ACAD9: variants seen among roughly 807,000 people sequenced by gnomAD.
The protein encoded by ACAD9 is acyl-CoA dehydrogenase family member 9.
In ACAD9, 53 loss-of-function variants were observed where a neutral mutation model predicts 70.2. That is an observed-to-expected ratio of 0.75 (90% CI 0.61 to 0.95). ACAD9 has a LOEUF of 0.95. ACAD9 is among the 40% of genes least tolerant of loss of function. The probability of loss-of-function intolerance (pLI) is 0.00; values close to 1 mark genes in which losing one functional copy is unlikely to be tolerated. For missense variants in ACAD9, 777 were observed against 802.8 expected (o/e 0.97, Z 0.39); for synonymous variants, 313 against 312.1 (o/e 1.00, Z -0.03).
chr3:128,880,143 G>C (rs1049082937), intron 1 of ACAD9: 5 of 835,284 alleles, frequency 6.0e-6, no homozygotes, highest in Middle Eastern at 8.5e-4. Flanking sequence ...ATCTCAGCTG[G>C]TCTGGTCTGG....
Position 128,909,372 on chromosome 3 carries a change from CCTACTGCTTCGGCCGGACCGTGGAGACA to C in ACAD9, c.1517_1544del (p.Tyr506CysfsTer16). On this transcript the variant is annotated frameshift_variant, in exon 15 of 18. Transcript: ENST00000308982. LOFTEE classifies it high-confidence loss of function. The stretch of plus-strand genomic sequence containing the variant: ...AGTGCCAACAAGTTTGAGGAGAACA[CCTACTGCTTCGGCCGGACCGTGGAGACA>C]CTGCTGCTCCGCTTTGGCAAGGTAA... The C allele has an allele frequency of 6.2e-7, 1 of 1,614,196 alleles. No homozygotes were observed. Among genetic ancestry groups the C allele is most frequent in the South Asian group, 1.1e-5 (1 of 91,084 alleles).
At chr3:128,909,786 A>G in intron 15 of ACAD9, 4 of 636,122 alleles carry the variant, frequency 6.3e-6, no homozygotes, top group Non-Finnish European at 8.2e-6. Context: ...GTCTCAGCCA[A>G]GCTTCTGGGA....
intron 6 of ACAD9, chr3:128,898,458 T>C (rs577004821): frequency 2.8e-5 from 12 of 425,758 alleles, no homozygotes; most frequent in South Asian, 2.1e-4. Flanking sequence ...CAGGCTGGAG[T>C]GCAGTGGCAC....
intron 5 of ACAD9, 142 bp from the exon 6 acceptor site, chr3:128,897,490 A>G (rs1935600311): frequency 2.7e-6 from 2 of 743,348 alleles, no homozygotes; most frequent in Non-Finnish European, 4.7e-6. Context: ...TGCAGCTTGG[A>G]AAGCTGAATA....
At chr3:128,880,683 G>A (rs1559816415) in intron 1 of ACAD9, among the ~76,000 whole-genome samples, 1 of 152,026 alleles carries the variant, frequency 6.6e-6, no homozygotes, top group African/African-American at 2.4e-5. Flanking sequence ...CACCGCGCCC[G>A]GCCAAGACTC....
intron 2 of ACAD9, among the ~76,000 whole-genome samples, chr3:128,891,117 G>A (rs1935408914): frequency 1.3e-5 from 2 of 152,074 alleles, no homozygotes; most frequent in Admixed American, 1.3e-4. Flanking sequence ...GGGATTATAG[G>A]CTTGAGCCAC....
Position 128,904,434 on chromosome 3 carries a change from A to G in ACAD9, c.1078A>G (p.Thr360Ala). The G allele has an allele frequency of 6.2e-7, 1 of 1,614,196 alleles. No homozygotes were observed. Among genetic ancestry groups the G allele is most frequent in the African/African-American group, 1.3e-5 (1 of 75,048 alleles). The change falls in exon 11 of 18, where the codon ACC becomes GCC. Residue 360 changes from threonine to alanine, a missense_variant. Physicochemically the swap from Thr to Ala is moderately conservative, Grantham distance 58. Coordinates refer to ENST00000308982, the MANE Select transcript of ACAD9 (RefSeq NM_014049.5). ...AQKAYVMESM[T>A]YLTAGMLDQP... The stretch of plus-strand genomic sequence containing the variant: ...GAAGGCTTACGTCATGGAGAGTATG[A>G]CCTACCTCACAGCAGGGATGCTGGA...
rs755595742 is a variant in ACAD9, at chr3:128,912,796, C to T, written c.*189C>T. On this transcript the variant is annotated 3_prime_UTR_variant, in exon 18 of 18. Transcript: ENST00000308982. Reference sequence around the variant, plus strand: ...GGTTTTGACCTGCAGGCAGTGCTCTCTAACAGGACCATCACAGCTTCTGAA... The same window carrying T: ...GGTTTTGACCTGCAGGCAGTGCTCTTTAACAGGACCATCACAGCTTCTGAA... 48 of 733,458 alleles carry T rather than the reference C, an allele frequency of 6.5e-5. 2 individuals are homozygous for T. The highest frequency in any genetic ancestry group is 5.2e-4 in the South Asian group (38 of 73,500). 45.4% of individuals were successfully genotyped at this position (733,458 alleles called of 1,614,324 possible). A position where few individuals can be genotyped will look rare whatever the true frequency, so the allele number is the denominator to read the frequency against.
rs1935662396 is a variant in ACAD9 at position 128,899,325 on chromosome 3, T to C, written c.672T>C (p.Thr224=). The C allele has an allele frequency of 6.2e-7, 1 of 1,614,248 alleles. No homozygotes were observed. Among genetic ancestry groups the C allele is most frequent in the Non-Finnish European group, 8.5e-7 (1 of 1,180,042 alleles). ...ITNGGLANIF[T]VFAKTEVVDS... ...ATGGAGGACTGGCCAATATTTTTAC[T>C]GTGTTTGCAAAGACTGAGGTCGTTG... The change falls in exon 7 of 18, where the codon ACT becomes ACC. Residue 224 remains threonine (T), a synonymous_variant. Transcript: ENST00000308982.
At chr3:128,880,836 T>TTA (rs1306586132) in intron 1 of ACAD9, among the ~76,000 whole-genome samples, 1 of 152,228 alleles carries the variant, frequency 6.6e-6, no homozygotes, top group African/African-American at 2.4e-5. Flanking sequence ...GCTTCAACAC[T>TTA]TAGTCTTGTG....
intron 2 of ACAD9, among the ~76,000 whole-genome samples, chr3:128,885,754 C>T (rs576876688): frequency 1.3e-5 from 2 of 152,098 alleles, no homozygotes; most frequent in South Asian, 2.1e-4. Flanking sequence ...CAGTGGCTCA[C>T]GCCTGTAATC....
chr3:128,909,933 AAGAC>A, intron 15 of ACAD9, 84 bp from the exon 16 acceptor site: 22 of 1,568,290 alleles, frequency 1.4e-5, no homozygotes, highest in Admixed American at 1.9e-5. Flanking sequence ...ACAGGAGACT[AAGAC>A]AGGCAAAGAT....
intron 2 of ACAD9, among the ~76,000 whole-genome samples, chr3:128,892,544 T>C (rs1212335321): frequency 6.6e-6 from 1 of 152,232 alleles, no homozygotes; most frequent in Non-Finnish European, 1.5e-5. Flanking sequence ...TGAATTTTTA[T>C]TTTAGAGATG....
At chr3:128,907,037 C>T (rs1439124880) in intron 12 of ACAD9, among the ~76,000 whole-genome samples, 1 of 152,110 alleles carries the variant, frequency 6.6e-6, no homozygotes, top group East Asian at 1.9e-4. Flanking sequence ...AGGGGCTCTC[C>T]TGCTGGGAGG....
At chr3:128,883,368 C>A (rs1559817537) in intron 1 of ACAD9, among the ~76,000 whole-genome samples, 3 of 147,108 alleles carry the variant, frequency 2.0e-5, no homozygotes, top group Admixed American at 6.8e-5. Flanking sequence ...TTTTTCTTTT[C>A]TTTTTTTTTT....
intron 1 of ACAD9, among the ~76,000 whole-genome samples, chr3:128,883,887 A>G (rs1935167943): frequency 6.6e-6 from 1 of 152,206 alleles, no homozygotes; most frequent in African/African-American, 2.4e-5. Context: ...AGACTTCTCT[A>G]GAACACTTGG....
rs540771243 is a variant in ACAD9, at chr3:128,893,671, C to G, written c.346+15C>G. 2.5e-6 allele frequency: 4 copies of G among 1,603,784 alleles called. No homozygotes were observed. The East Asian group carries it at 6.7e-5, about 27-fold the overall frequency. On this transcript the variant is annotated intron_variant, in intron 3 of 17. Transcript: ENST00000308982. ...AGAAGAATATGGTAAGTCAAGCAAA[C>G]AAGCACCCAGCCAGTTTAGCTCTTA...
At chr3:128,884,895 T>A (rs1186745230) in intron 2 of ACAD9, 149 bp downstream of exon 2, 2 of 701,020 alleles carry the variant, frequency 2.9e-6, no homozygotes, top group Non-Finnish European at 5.1e-6. Flanking sequence ...TCATCCCTAT[T>A]GCCATTTAAT....
intron 5 of ACAD9, among the ~76,000 whole-genome samples, chr3:128,896,812 G>C (rs1027933378): frequency 3.3e-5 from 5 of 152,150 alleles, no homozygotes; most frequent in Non-Finnish European, 7.3e-5. Context: ...TAGTAATAAC[G>C]TTCCGGCTTC....
Sources: gnomAD v4.1 joint callset for allele counts (sites outside exome capture counted in the v4.1 genomes callset) on GRCh38, gnomAD v4.1.1 for gene constraint, MANE v1.5 for transcripts, NCBI Gene and HGNC (gene_info 2026-07-23, HGNC 2026-07-21) for gene names.